Variants in RBFOX2 observed in about 807,000 individuals in gnomAD.
RBFOX2 encodes the protein RNA binding fox-1 homolog 2, also known as RNA binding protein fox-1 homolog 2.
Under a neutral mutation model 49.1 loss-of-function variants are expected in RBFOX2, and 10 were observed. The observed-to-expected ratio is 0.20, with a 90% confidence interval of 0.13 to 0.35. The LOEUF is 0.35. Among genes scored for constraint, RBFOX2 ranks in the 10% least tolerant of loss-of-function variants. The pLI is 1.00. For synonymous variants in RBFOX2, 183 were observed against 187.4 expected (o/e 0.98, Z 0.19); for missense variants, 323 against 486.9 (o/e 0.66, Z 3.17).
chr22:35,748,412 C>G (rs1933624302), intron 9 of RBFOX2: 1 of 151,988 alleles, frequency 6.6e-6, no homozygotes, highest in Non-Finnish European at 1.5e-5. Flanking sequence ...GGAATTCTAG[C>G]CAGGATCTGG....
chr22:35,892,485 T>C (rs1374141012), intron 1 of RBFOX2, among the ~76,000 whole-genome samples: 7 of 152,294 alleles, frequency 4.6e-5, no homozygotes, highest in Admixed American at 3.3e-4. Context: ...TGCATCTAAC[T>C]ACACAAATGA....
intron 1 of RBFOX2, among the ~76,000 whole-genome samples, chr22:35,913,288 G>A (rs2050028112): frequency 6.6e-6 from 1 of 151,876 alleles, no homozygotes; most frequent in Non-Finnish European, 1.5e-5. Flanking sequence ...GATCAGCCTG[G>A]GCAACATAGT....
chr22:35,799,482 T>G (rs931360166), intron 2 of RBFOX2, among the ~76,000 whole-genome samples: 9 of 152,154 alleles, frequency 5.9e-5, no homozygotes, highest in Non-Finnish European at 1.2e-4. Context: ...AAATAAAAAT[T>G]TCAGATTTTA....
intron 1 of RBFOX2, among the ~76,000 whole-genome samples, chr22:35,834,742 A>G (rs2148731265): frequency 6.6e-6 from 1 of 152,310 alleles, no homozygotes; most frequent in East Asian, 1.9e-4. Flanking sequence ...GGCCAGTGTC[A>G]TTAGAATGAA....
upstream of RBFOX2, among the ~76,000 whole-genome samples, chr22:35,943,667 G>C (rs2053942194): frequency 6.6e-6 from 1 of 152,196 alleles, no homozygotes; most frequent in Non-Finnish European, 1.5e-5. Context: ...GCGAGGCTGA[G>C]GTGGGTGGAT....
intron 1 of RBFOX2, among the ~76,000 whole-genome samples, chr22:35,984,193 T>TA (rs2057595713): frequency 6.6e-6 from 1 of 152,080 alleles, no homozygotes; most frequent in Admixed American, 6.5e-5. Context: ...TGAAGATGTT[T>TA]AAAAAAACAA....
rs145265274 is a variant in RBFOX2 at position 36,023,229 on chromosome 22, T to A, written c.186+5011A>T. Among the ~76,000 whole-genome samples the A allele has an allele frequency of 1.1e-3, 161 of 152,186 alleles. 1 individual carries two copies. The highest frequency in any genetic ancestry group is 4.8e-3 in the South Asian group (23 of 4,822). ...ATAAACTACTTCAATAAACACAGCATCTACAAAGCAACTTCAGGCTATCTG... is the reference window on the plus strand; with the variant it reads ...ATAAACTACTTCAATAAACACAGCAACTACAAAGCAACTTCAGGCTATCTG... On this transcript the variant is annotated intron_variant, in intron 1 of 13. Coordinates refer to the RBFOX2 transcript ENST00000438146.
At chr22:35,957,165 C>T (rs2055662668) in intron 1 of RBFOX2, among the ~76,000 whole-genome samples, 2 of 152,202 alleles carry the variant, frequency 1.3e-5, no homozygotes, top group Non-Finnish European at 2.9e-5. Flanking sequence ...GCTAATTCAT[C>T]TCTCAGCCTC....
intron 1 of RBFOX2, among the ~76,000 whole-genome samples, chr22:35,850,190 T>TACA (rs1556051457): frequency 1.4e-4 from 5 of 34,494 alleles, no homozygotes; most frequent in Non-Finnish European, 1.7e-4. Flanking sequence ...TGTCTCTCTC[T>TACA]CATACACACA....
chr22:35,867,852 T>C (rs776258103), intron 1 of RBFOX2, among the ~76,000 whole-genome samples: 1 of 152,102 alleles, frequency 6.6e-6, no homozygotes, highest in Non-Finnish European at 1.5e-5. Context: ...ACAAAAGACA[T>C]AAACACTTTT....
At chr22:35,823,594 C>T (rs898995667) in intron 1 of RBFOX2, among the ~76,000 whole-genome samples, 1 of 152,120 alleles carries the variant, frequency 6.6e-6, no homozygotes, top group Non-Finnish European at 1.5e-5. Flanking sequence ...TTATTTTCTG[C>T]AAAACAAGAT....
At chr22:36,019,966 T>C (rs1044853708) in intron 1 of RBFOX2, among the ~76,000 whole-genome samples, 3 of 152,074 alleles carry the variant, frequency 2.0e-5, no homozygotes, top group Non-Finnish European at 4.4e-5. Context: ...AGAACAAAGC[T>C]GGGGGCATCA....
At position 35,759,939 on chromosome 22, in the gene RBFOX2, A is replaced by G; in HGVS notation, c.836T>C (p.Val279Ala). 1.9e-6 allele frequency: 3 copies of G among 1,613,736 alleles called. No individual in the cohort carries two copies. The highest frequency in any genetic ancestry group is 1.3e-5 in the African/African-American group (1 of 74,980). ...AGGTACCGCTCGGACTGCACCATAT[A>G]CTGTCCGCCCTCTGCCCCTCAAATG... Residue 279 changes from valine (V) to alanine (A), a missense_variant, in exon 9 of 12, where the codon GTA becomes GCA. By Grantham distance (64) the Val-to-Ala change is moderately conservative. Coordinates refer to ENST00000405409, the Ensembl canonical transcript of RBFOX2. The surrounding 1 kb of genome is among the most constrained non-coding windows in gnomAD (Gnocchi z 4.6).
chr22:35,832,847 A>C (rs1202063067), intron 1 of RBFOX2, among the ~76,000 whole-genome samples: 2 of 152,248 alleles, frequency 1.3e-5, no homozygotes, highest in African/African-American at 2.4e-5. Flanking sequence ...CAGTCTCCAA[A>C]ACAAAGAAGA....
At chr22:35,967,530 G>A (rs1276150935) in intron 1 of RBFOX2, among the ~76,000 whole-genome samples, 1 of 152,076 alleles carries the variant, frequency 6.6e-6, no homozygotes, top group African/African-American at 2.4e-5. Flanking sequence ...TGCCTCGTAT[G>A]CACCCAGGGC....
At chr22:35,977,594 C>A (rs943977220) in intron 1 of RBFOX2, among the ~76,000 whole-genome samples, 2 of 151,470 alleles carry the variant, frequency 1.3e-5, no homozygotes, top group Admixed American at 6.6e-5. Flanking sequence ...AAACTTTCTA[C>A]GGTAATGGAC....
intron 1 of RBFOX2, among the ~76,000 whole-genome samples, chr22:35,825,436 A>G (rs1275766994): frequency 2.0e-5 from 3 of 152,016 alleles, no homozygotes; most frequent in Admixed American, 2.0e-4. Context: ...GAAAAAAAAA[A>G]AAAAAGAAAA....
chr22:36,025,987 G>A (rs1051060102), intron 1 of RBFOX2, among the ~76,000 whole-genome samples: 3 of 152,134 alleles, frequency 2.0e-5, no homozygotes, highest in Admixed American at 6.5e-5. Context: ...ATAGAAGGCC[G>A]GGTGTGGTGG....
At chr22:35,925,119 G>T (rs1353532855) in intron 1 of RBFOX2, among the ~76,000 whole-genome samples, 1 of 152,010 alleles carries the variant, frequency 6.6e-6, no homozygotes, top group East Asian at 1.9e-4. Context: ...TTGAACTCAG[G>T]AGGCAGAGGT....
Sources: allele counts gnomAD v4.1 joint callset (sites outside exome capture counted in the v4.1 genomes callset), GRCh38; gene constraint gnomAD v4.1.1; non-coding constraint Gnocchi (gnomAD v3.1); transcripts MANE v1.5; gene names NCBI Gene and HGNC (gene_info 2026-07-23, HGNC 2026-07-21).